Variants in GTF2I observed in about 807,000 individuals in gnomAD.
The protein encoded by GTF2I is general transcription factor II-I.
A neutral mutation model predicts 67.6 loss-of-function variants in GTF2I; 12 were observed. The observed-to-expected ratio is 0.18, with a 90% CI of 0.11 to 0.29. GTF2I has a LOEUF of 0.29. Ranked by LOEUF, GTF2I falls within the 10% of genes least tolerant of loss-of-function variation. The pLI is 1.00. For synonymous variants in GTF2I, 149 were observed against 197.0 expected (o/e 0.76, Z 2.04); for missense variants, 271 against 580.1 (o/e 0.47, Z 5.47).
intron 3 of GTF2I, among the ~76,000 whole-genome samples, chr7:74,697,407 T>C (rs1229282208): frequency 6.6e-6 from 1 of 151,694 alleles, no homozygotes; most frequent in East Asian, 1.9e-4. Flanking sequence ...AAAAAAAAAA[T>C]TATTAATGGG....
chr7:74,687,671 T>C (rs1339573444), intron 1 of GTF2I: 2 of 432,504 alleles, frequency 4.6e-6, no homozygotes, highest in African/African-American at 4.3e-5. Context: ...GCATCCTCTT[T>C]AATAATAGGG....
chr7:74,672,160 C>G (rs1223078060), intron 1 of GTF2I, among the ~76,000 whole-genome samples: 1 of 152,038 alleles, frequency 6.6e-6, no homozygotes, highest in Non-Finnish European at 1.5e-5. Context: ...TTCTTTGGCT[C>G]TATTTCTTAT....
intron 1 of GTF2I, among the ~76,000 whole-genome samples, chr7:74,670,030 T>C (rs1432772282): frequency 1.3e-5 from 2 of 152,202 alleles, no homozygotes; most frequent in Non-Finnish European, 2.9e-5. Context: ...TAATGCAGTT[T>C]GTTGGGAAAT....
chr7:74,657,857 G>A lies in GTF2I; in HGVS notation c.-217G>A, dbSNP rs1804049021. On this transcript the variant is annotated 5_prime_UTR_variant, in exon 1 of 35. Transcript: ENST00000573035. ...TGTCCCCCAGTGATCGGATCAAGGC[G>A]CTGAGCGAGGCCCTGCCTGCGGGGC... 1 of 151,716 alleles carries A rather than the reference G, an allele frequency of 6.6e-6. No individual in the cohort carries two copies. The highest frequency in any genetic ancestry group is 2.4e-5 in the African/African-American group (1 of 41,338). The allele number at this position is 151,716 out of a possible 1,614,324, so 9.4% of individuals were successfully genotyped here.
chr7:74,665,188 C>T (rs1338424352), intron 1 of GTF2I, among the ~76,000 whole-genome samples: 4 of 150,866 alleles, frequency 2.7e-5, no homozygotes, highest in Admixed American at 6.6e-5. Context: ...GTGATCCACC[C>T]GCCTCGGCCT....
At chr7:74,682,340 A>G (rs1554394339) in intron 1 of GTF2I, among the ~76,000 whole-genome samples, 2 of 152,250 alleles carry the variant, frequency 1.3e-5, no homozygotes, top group African/African-American at 4.8e-5. Flanking sequence ...TGAAAACACC[A>G]GAAAGTTGAA....
chr7:74,696,328 TCTC>T (rs1468312011), intron 3 of GTF2I, among the ~76,000 whole-genome samples: 2 of 150,934 alleles, frequency 1.3e-5, no homozygotes, highest in Admixed American at 1.3e-4. Flanking sequence ...TGTATCTAAT[TCTC>T]CTTCTTCTCT....
At chr7:74,679,751 T>G (rs1787050849) in intron 1 of GTF2I, among the ~76,000 whole-genome samples, 1 of 151,948 alleles carries the variant, frequency 6.6e-6, no homozygotes, top group South Asian at 2.1e-4. Flanking sequence ...AAGAGGCAAT[T>G]TGGAATTTAG....
At position 74,681,983 on chromosome 7, in the gene GTF2I, C is replaced by T. The variant is rs587705846; in HGVS notation, c.-5-7141C>T. 9.9e-5 allele frequency among the ~76,000 whole-genome samples: 15 copies of T among 151,852 alleles called. No individual in the cohort carries two copies. The South Asian group carries it at 1.9e-3, about 19-fold the overall frequency. ...GGGATCACAGGACAGGAATGTGGTA[C>T]GCATGAAGGTGCATGTGGCTGTCAG... On this transcript the variant is annotated intron_variant, in intron 1 of 34. Transcript: ENST00000573035.
intron 1 of GTF2I, among the ~76,000 whole-genome samples, chr7:74,669,211 C>G (rs587718329): frequency 2.7e-5 from 4 of 148,198 alleles, no homozygotes; most frequent in African/African-American, 9.9e-5. Flanking sequence ...GTTTGTATAT[C>G]CAGACTAGTT....
intron 12 of GTF2I, chr7:74,726,911 G>GATAA (rs1793883917): frequency 6.8e-6 from 1 of 146,674 alleles, no homozygotes. Context: ...TAGATAGATA[G>GATAA]ATAGATAGAT....
chr7:74,675,027 A>T (rs1805776555), intron 1 of GTF2I, among the ~76,000 whole-genome samples: 1 of 143,304 alleles, frequency 7.0e-6, no homozygotes, highest in African/African-American at 2.6e-5. Context: ...CAATTTTTGT[A>T]TTTTTAGTAG....
intron 1 of GTF2I, among the ~76,000 whole-genome samples, chr7:74,662,608 T>G (rs1804623905): frequency 7.4e-6 from 1 of 134,524 alleles, no homozygotes; most frequent in Non-Finnish European, 1.5e-5. Context: ...CTGCTACCTC[T>G]GCCTCCTGGG....
chr7:74,683,257 A>G (rs919759927), intron 1 of GTF2I, among the ~76,000 whole-genome samples: 2 of 152,232 alleles, frequency 1.3e-5, no homozygotes, highest in African/African-American at 4.8e-5. Flanking sequence ...TAAAAACAGC[A>G]GGAGTAGGAA....
chr7:74,669,350 T>A (rs1399622719), intron 1 of GTF2I, among the ~76,000 whole-genome samples: 1 of 146,616 alleles, frequency 6.8e-6, no homozygotes. Flanking sequence ...TGCCTCAGCC[T>A]CCTGAGTAGC....
chr7:74,722,894 C>G (rs10254080), intron 12 of GTF2I: 1 of 152,180 alleles, frequency 6.6e-6, no homozygotes, highest in African/African-American at 2.4e-5. Flanking sequence ...AAAAAGGAGT[C>G]TCAGAGGAAT....
At chr7:74,708,232 G>T (rs1791031091) in intron 8 of GTF2I, among the ~76,000 whole-genome samples, 1 of 152,176 alleles carries the variant, frequency 6.6e-6, no homozygotes, top group South Asian at 2.1e-4. Context: ...GAACTCAGGA[G>T]GTAGAGGTTA....
chr7:74,710,872 C>T (rs1245444813), intron 8 of GTF2I, among the ~76,000 whole-genome samples, 160 bp from the exon 9 acceptor site: 1 of 152,106 alleles, frequency 6.6e-6, no homozygotes, highest in Non-Finnish European at 1.5e-5. Context: ...GATTTTTTAC[C>T]TTCTGCTACC....
intron 12 of GTF2I, among the ~76,000 whole-genome samples, chr7:74,724,610 G>A (rs1554405289): frequency 1.3e-5 from 2 of 152,148 alleles, no homozygotes; most frequent in African/African-American, 4.8e-5. Context: ...GTAAATTCAT[G>A]AATAGCACCT....
Sources: allele counts gnomAD v4.1 joint callset (sites outside exome capture counted in the v4.1 genomes callset), GRCh38; gene constraint gnomAD v4.1.1; transcripts MANE v1.5; gene names NCBI Gene and HGNC (gene_info 2026-07-23, HGNC 2026-07-21).